The following NUP160 variants were observed in gnomAD, a reference collection of about 807,000 sequenced individuals.
The protein encoded by NUP160 is nuclear pore complex protein Nup160.
A neutral mutation model predicts 196.9 loss-of-function variants in NUP160; 94 were observed. That is an observed-to-expected ratio of 0.48 (90% confidence interval 0.40 to 0.57). NUP160 has a LOEUF of 0.57. NUP160 is among the 20% of genes least tolerant of loss of function. The pLI is 0.00. For synonymous variants in NUP160, 605 were observed against 619.7 expected (o/e 0.98, Z 0.35); for missense variants, 1,638 against 1,748.3 (o/e 0.94, Z 1.13).
At chr11:47,795,667 AATTC>A (rs1432772270) in intron 27 of NUP160, among the ~76,000 whole-genome samples, 1 of 152,184 alleles carries the variant, frequency 6.6e-6, no homozygotes, top group Non-Finnish European at 1.5e-5. Context: ...TCTGATAAAT[AATTC>A]ATTGATAATG....
intron 27 of NUP160, among the ~76,000 whole-genome samples, chr11:47,793,227 C>T (rs575340756): frequency 7.9e-5 from 12 of 152,188 alleles, no homozygotes; most frequent in South Asian, 2.1e-4. Flanking sequence ...CCTCGTGATC[C>T]GCCCACCTCA....
intron 10 of NUP160, 37 bp downstream of exon 10, chr11:47,819,337 A>G: frequency 2.1e-6 from 3 of 1,406,438 alleles, no homozygotes; most frequent in Non-Finnish European, 3.0e-6. Context: ...GATCAAAGTA[A>G]ATCATTCCCT....
Position 47,806,321 on chromosome 11 carries a change from GAA to G in NUP160, c.2447-11_2447-10del, listed in dbSNP as rs1203282706. 4 of 1,601,312 alleles carry G rather than the reference GAA, an allele frequency of 2.5e-6. No homozygotes were observed. In the African/African-American group the frequency reaches 5.4e-5, roughly 22 times the overall value. On this transcript the variant is annotated splice_polypyrimidine_tract_variant and intron_variant, in intron 19 of 35. Transcript: ENST00000378460. ...AGTCTGAGGACTAGATACTTAAAAA[GAA>G]AAAGTTATGACAGTTTTGTGTAGTG... is the stretch of plus-strand genomic sequence containing the variant.
At chr11:47,817,058 C>A (rs1474164609) in intron 11 of NUP160, among the ~76,000 whole-genome samples, 3 of 151,706 alleles carry the variant, frequency 2.0e-5, no homozygotes, top group African/African-American at 7.3e-5. Flanking sequence ...TCACCATACC[C>A]TTTACCTCCT....
At position 47,816,042 on chromosome 11, in the gene NUP160, G is replaced by T. The variant is rs76657809; in HGVS notation, c.1432-13C>A. ...CTCGGCAGAAAATCTAACATTAAAA[G>T]ACATTTTAGACTTCTATATAATAGC... is the stretch of plus-strand genomic sequence containing the variant. On this transcript the variant is annotated splice_polypyrimidine_tract_variant and intron_variant, in intron 11 of 35. Coordinates refer to ENST00000378460, the Ensembl canonical transcript of NUP160. 1.4e-4 allele frequency: 215 copies of T among 1,574,530 alleles called. 2 individuals carry two copies. The East Asian group carries it at 4.8e-3, about 35-fold the overall frequency.
At chr11:47,821,672 A>C in intron 9 of NUP160, 52 bp downstream of exon 9, 1 of 1,357,058 alleles carries the variant, frequency 7.4e-7, no homozygotes, top group Non-Finnish European at 1.1e-6. Flanking sequence ...TCGTCTTCTT[A>C]GCATGAAATT....
chr11:47,818,540 C>CAAA (rs1851785207), intron 10 of NUP160, among the ~76,000 whole-genome samples: 1 of 128,270 alleles, frequency 7.8e-6, no homozygotes, highest in African/African-American at 2.5e-5. Context: ...GTATTATATG[C>CAAA]AAACAAAACA....
intron 2 of NUP160, among the ~76,000 whole-genome samples, 193 bp from the exon 3 acceptor site, chr11:47,840,781 A>C (rs939455497): frequency 6.6e-6 from 1 of 152,218 alleles, no homozygotes; most frequent in African/African-American, 2.4e-5. Flanking sequence ...TCCAAATTTC[A>C]CTGTGATTCT....
At chr11:47,840,307 C>T (rs750416412) in intron 3 of NUP160, 71 bp downstream of exon 3, 10 of 1,328,046 alleles carry the variant, frequency 7.5e-6, no homozygotes, top group East Asian at 2.3e-5. Flanking sequence ...CAAAAGACAT[C>T]GCTCCAGCAC....
At chr11:47,813,169 G>T in intron 14 of NUP160, 122 bp from the exon 15 acceptor site, 1 of 960,164 alleles carries the variant, frequency 1.0e-6, no homozygotes, top group Non-Finnish European at 1.6e-6. Flanking sequence ...GAGATGCTTT[G>T]GTCTCTTAAG....
exon 34 of NUP160, chr11:47,783,114 C>T (rs778397756): frequency 3.1e-6 from 5 of 1,613,998 alleles, no homozygotes; most frequent in Non-Finnish European, 4.2e-6. Context: ...AATACAGCAT[C>T]CACATATTCT....
At chr11:47,795,856 T>C (rs1182543811) in intron 27 of NUP160, among the ~76,000 whole-genome samples, 1 of 151,908 alleles carries the variant, frequency 6.6e-6, no homozygotes, top group Non-Finnish European at 1.5e-5. Context: ...GGATGCGCTA[T>C]AAAAAACATT....
Position 47,788,317 on chromosome 11 carries a change from GA to G in NUP160, c.3623-13del. 6.2e-7 allele frequency: 1 copy of G among 1,612,700 alleles called. No individual in the cohort carries two copies. The highest frequency in any genetic ancestry group is 1.3e-5 in the African/African-American group (1 of 74,900). On this transcript the variant is annotated splice_polypyrimidine_tract_variant and intron_variant, in intron 30 of 35. Coordinates refer to ENST00000378460, the Ensembl canonical transcript of NUP160. ...TGCTGATGAACTTCCTGTGAAAATG[GA>G]AAAAGATTATTTCGTGTAGCCAAGG...
chr11:47,792,841 A>G (rs1383390417), exon 28 of NUP160: 9 of 1,614,064 alleles, frequency 5.6e-6, no homozygotes, highest in Non-Finnish European at 7.6e-6. Flanking sequence ...AATAAGTCGT[A>G]AACAATTGAG....
chr11:47,803,094 G>A (rs1291194771), intron 22 of NUP160, among the ~76,000 whole-genome samples: 1 of 150,740 alleles, frequency 6.6e-6, no homozygotes, highest in Non-Finnish European at 1.5e-5. Context: ...AAGGTGGGAG[G>A]ATCGCTTGAG....
chr11:47,806,471 T>G (rs918388879), intron 19 of NUP160, 159 bp from the exon 20 acceptor site: 8 of 561,654 alleles, frequency 1.4e-5, no homozygotes, highest in Non-Finnish European at 2.5e-5. Context: ...TAAATAAAAG[T>G]AGTCTGTAAA....
intron 23 of NUP160, among the ~76,000 whole-genome samples, chr11:47,801,077 T>C (rs1482701709): frequency 3.3e-5 from 5 of 151,998 alleles, no homozygotes; most frequent in African/African-American, 1.2e-4. Flanking sequence ...TACAATGGAG[T>C]GACCAGAGGA....
intron 33 of NUP160, 119 bp from the exon 34 acceptor site, chr11:47,783,317 G>T: frequency 7.9e-7 from 1 of 1,272,216 alleles, no homozygotes; most frequent in African/African-American, 1.5e-5. Flanking sequence ...TTAAACCAGT[G>T]GCTTGGTTTA....
intron 32 of NUP160, among the ~76,000 whole-genome samples, chr11:47,786,161 G>A (rs984036270): frequency 6.6e-6 from 1 of 152,126 alleles, no homozygotes; most frequent in Non-Finnish European, 1.5e-5. Context: ...ATAACACTCC[G>A]AAACAAGTAA....
Sources: gnomAD v4.1 joint callset for allele counts (sites outside exome capture counted in the v4.1 genomes callset) on GRCh38, gnomAD v4.1.1 for gene constraint, MANE v1.5 for transcripts, NCBI Gene and HGNC (gene_info 2026-07-23, HGNC 2026-07-21) for gene names.